Variants in PLCB4 observed in about 807,000 individuals in gnomAD.
PLCB4 encodes the protein 1-phosphatidylinositol 4,5-bisphosphate phosphodiesterase beta-4.
In PLCB4, 77 loss-of-function variants were observed where a neutral mutation model predicts 178.8. The observed-to-expected ratio is 0.43, with a 90% confidence interval of 0.36 to 0.52. The LOEUF is 0.52. Among genes scored for constraint, PLCB4 ranks in the 20% least tolerant of loss-of-function variants. PLCB4 has a pLI of 0.00. For synonymous variants in PLCB4, 496 were observed against 490.8 expected (o/e 1.01, Z -0.14); for missense variants, 1,024 against 1,453.4 (o/e 0.70, Z 4.80).
At position 9,455,851 on chromosome 20, in the gene PLCB4, G is replaced by T. The variant is rs1324791786; in HGVS notation, c.2997-1563G>T. 7.9e-5 allele frequency among the ~76,000 whole-genome samples: 12 copies of T among 152,240 alleles called. No homozygotes were observed. In the East Asian group the frequency reaches 2.1e-3, roughly 27 times the overall value. ...TAATATTCACCATGATATCAAGGTT[G>T]CCTGGACTTAGTCTTGCTATGTTGC... is the stretch of plus-strand genomic sequence containing the variant. On this transcript the variant is annotated intron_variant, in intron 33 of 39. Coordinates refer to ENST00000378473, the MANE Select transcript of PLCB4 (RefSeq NM_001377142.1).
chr20:9,097,435 T>G (rs1051980487), intron 2 of PLCB4, among the ~76,000 whole-genome samples: 1 of 151,904 alleles, frequency 6.6e-6, no homozygotes, highest in Non-Finnish European at 1.5e-5. Context: ...ACCACAGGAC[T>G]GCCTCAGAGA....
rs2044791993 is a variant in PLCB4, at chr20:9,480,099, A to G, written c.*1090A>G. On this transcript the variant is annotated 3_prime_UTR_variant, in exon 40 of 40. Coordinates refer to ENST00000378473, the MANE Select transcript of PLCB4 (RefSeq NM_001377142.1). ...AAATACATAACTAATTTAATTTTAC[A>G]CAAAAATATTTATGCAGATTTTCAG... The G allele has an allele frequency of 6.6e-6, 1 of 152,650 alleles. No individual in the cohort carries two copies. Among genetic ancestry groups the G allele is most frequent in the Non-Finnish European group, 1.5e-5 (1 of 68,038 alleles). The allele number at this position is 152,650 out of a possible 1,614,324, so 9.5% of individuals were successfully genotyped here.
chr20:9,436,940 T>A (rs1568832667), intron 29 of PLCB4, 62 bp from the exon 30 acceptor site: 1 of 1,473,282 alleles, frequency 6.8e-7, no homozygotes. Context: ...AAATAAAGAA[T>A]GTACAAGATA....
At chr20:9,367,484 TC>T (rs1304937962) in intron 9 of PLCB4, among the ~76,000 whole-genome samples, 1 of 152,246 alleles carries the variant, frequency 6.6e-6, no homozygotes, top group Non-Finnish European at 1.5e-5. Context: ...TTATTTAAAA[TC>T]CTTTGCTCAG....
At chr20:9,118,420 T>TA (rs889496848) in intron 2 of PLCB4, among the ~76,000 whole-genome samples, 10 of 150,490 alleles carry the variant, frequency 6.6e-5, no homozygotes, top group East Asian at 2.0e-4. Flanking sequence ...TTTAAAAAGT[T>TA]AAAAAAAAAG....
At chr20:9,405,479 T>G (rs1318114575) in intron 21 of PLCB4, 131 bp downstream of exon 21, 2 of 550,408 alleles carry the variant, frequency 3.6e-6, no homozygotes, top group East Asian at 3.2e-5. Context: ...GGCAGATGAG[T>G]AAGATGATTT....
At chr20:9,103,739 A>G (rs1383929500) in intron 2 of PLCB4, among the ~76,000 whole-genome samples, 3 of 152,170 alleles carry the variant, frequency 2.0e-5, no homozygotes, top group Non-Finnish European at 4.4e-5. Flanking sequence ...TTTGTACTAG[A>G]AAATCCCTTT....
At chr20:9,184,918 T>G (rs1311088336) in intron 2 of PLCB4, among the ~76,000 whole-genome samples, 2 of 152,204 alleles carry the variant, frequency 1.3e-5, no homozygotes, top group Non-Finnish European at 2.9e-5. Flanking sequence ...ACTACCTATT[T>G]ATGTATTTAT....
At chr20:9,327,504 C>T (rs6056548) in intron 4 of PLCB4, among the ~76,000 whole-genome samples, 141,612 of 152,114 alleles carry the variant, frequency 0.93, 65,978 homozygotes, top group East Asian at 0.99. Flanking sequence ...TGGCCGGGCG[C>T]GGTGGCTCCC....
At chr20:9,420,407 G>T (rs2040548148) in intron 26 of PLCB4, among the ~76,000 whole-genome samples, 1 of 151,612 alleles carries the variant, frequency 6.6e-6, no homozygotes, top group Non-Finnish European at 1.5e-5. Context: ...GCACAATCTC[G>T]GCTCACTGCA....
chr20:9,476,626 A>G (rs768666422), intron 38 of PLCB4, 91 bp from the exon 39 acceptor site: 378 of 902,946 alleles, frequency 4.2e-4, no homozygotes, highest in Non-Finnish European at 5.9e-4. Context: ...ATGGTTTTGC[A>G]TTCATTTTTC....
intron 2 of PLCB4, among the ~76,000 whole-genome samples, chr20:9,167,107 T>C (rs113367573): frequency 2.2e-3 from 336 of 152,284 alleles, no homozygotes; most frequent in African/African-American, 7.4e-3. Flanking sequence ...TGTATAGGTA[T>C]GATTTGCTTG....
chr20:9,118,618 C>T (rs1269974732), intron 2 of PLCB4, among the ~76,000 whole-genome samples: 1 of 151,936 alleles, frequency 6.6e-6, no homozygotes, highest in Non-Finnish European at 1.5e-5. Context: ...GCTCAGTAGC[C>T]ACATGTGATT....
rs533978785 is a variant in PLCB4 at position 9,478,967 on chromosome 20, G to A, written c.3579G>A (p.Pro1193=). 3.7e-5 allele frequency: 59 copies of A among 1,613,532 alleles called. No homozygotes were observed. Among genetic ancestry groups the A allele is most frequent in the East Asian group, 2.2e-4 (10 of 44,882 alleles). The part of the protein sequence containing the change: ...ADGEIGSRDG[P]QTSNSSMKLQ... ...GTGAAATTGGAAGCCGAGATGGACCGCAGACCAGCAACAGTAGTATGAAAC... is the reference window on the plus strand; with the variant it reads ...GTGAAATTGGAAGCCGAGATGGACCACAGACCAGCAACAGTAGTATGAAAC... The change falls in exon 40 of 40, where the codon CCG becomes CCA. Residue 1193 remains proline (P), a synonymous_variant. Transcript: ENST00000378473.
intron 2 of PLCB4, among the ~76,000 whole-genome samples, chr20:9,214,572 C>CACAT (rs1387413212): frequency 6.6e-6 from 1 of 151,740 alleles, no homozygotes; most frequent in Non-Finnish European, 1.5e-5. Context: ...CACACACACA[C>CACAT]ACACACACAC....
At chr20:9,463,227 G>T (rs1230864184) in intron 35 of PLCB4, among the ~76,000 whole-genome samples, 6 of 152,108 alleles carry the variant, frequency 3.9e-5, no homozygotes, top group Non-Finnish European at 7.4e-5. Context: ...GAAAGATTTT[G>T]TCACCGCCAG....
intron 3 of PLCB4, among the ~76,000 whole-genome samples, chr20:9,222,999 G>T (rs1302572337): frequency 6.6e-6 from 1 of 152,118 alleles, no homozygotes; most frequent in Non-Finnish European, 1.5e-5. Context: ...CATGAATTAG[G>T]ATTAAAACAT....
At chr20:9,402,044 A>G (rs188819765) in intron 20 of PLCB4, among the ~76,000 whole-genome samples, 1 of 152,356 alleles carries the variant, frequency 6.6e-6, no homozygotes, top group East Asian at 1.9e-4. Context: ...CAAGGAAAAT[A>G]GTTATTCATA....
chr20:9,137,398 A>T (rs1362979092), intron 2 of PLCB4, among the ~76,000 whole-genome samples: 1 of 152,128 alleles, frequency 6.6e-6, no homozygotes, highest in Non-Finnish European at 1.5e-5. Flanking sequence ...AGCATGTAGG[A>T]TCCATTAACA....
Sources: allele counts gnomAD v4.1 joint callset (sites outside exome capture counted in the v4.1 genomes callset), GRCh38; gene constraint gnomAD v4.1.1; transcripts MANE v1.5; gene names NCBI Gene and HGNC (gene_info 2026-07-23, HGNC 2026-07-21).